Variants in PDXDC1 observed in about 807,000 individuals in gnomAD.
The protein encoded by PDXDC1 is pyridoxal-dependent decarboxylase domain-containing protein 1.
A neutral mutation model predicts 100.1 loss-of-function variants in PDXDC1; 42 were observed. The ratio of observed to expected loss-of-function variants is 0.42; its 90% CI spans 0.33 to 0.54. PDXDC1 has a LOEUF of 0.54. PDXDC1 is among the 20% of genes least tolerant of loss of function. The pLI, the probability that PDXDC1 is intolerant of heterozygous loss-of-function variation, is 0.10. For synonymous variants in PDXDC1, 260 were observed against 371.7 expected (o/e 0.70, Z 3.46); for missense variants, 636 against 979.2 (o/e 0.65, Z 4.68).
At chr16:15,150,021 A>G in the PDXDC1 span, among the ~76,000 whole-genome samples, 1 of 151,938 alleles carries the variant, frequency 6.6e-6, no homozygotes, top group African/African-American at 2.4e-5. Context: ...TGCACAAGGA[A>G]AAAGAGAGGA....
At chr16:15,133,300 G>A (rs1567314739) in intron 16 of PDXDC1, 6 of 1,573,456 alleles carry the variant, frequency 3.8e-6, no homozygotes, top group Non-Finnish European at 5.2e-6. Context: ...GCGAGTACTC[G>A]ATGACGTGCT....
At chr16:15,085,784 T>C in intron 16 of PDXDC1, 2 of 1,546,160 alleles carry the variant, frequency 1.3e-6, no homozygotes, top group African/African-American at 1.4e-5. Context: ...ACCTAGACAA[T>C]GAACAGCTAT....
At chr16:15,136,773 G>A in intron 16 of PDXDC1, 2 of 1,578,672 alleles carry the variant, frequency 1.3e-6, no homozygotes, top group Non-Finnish European at 8.7e-7. Context: ...GGGAATGAGG[G>A]TGTCAACGGT....
intron 1 of PDXDC1, among the ~76,000 whole-genome samples, chr16:14,978,847 C>G (rs1228540193): frequency 6.6e-6 from 1 of 152,296 alleles, no homozygotes; most frequent in East Asian, 1.9e-4. Flanking sequence ...AAAGCAGTTT[C>G]TCAGCGTCAG....
chr16:15,050,001 C>CA (rs2044234318), intron 16 of PDXDC1, among the ~76,000 whole-genome samples: 1 of 152,048 alleles, frequency 6.6e-6, no homozygotes. Flanking sequence ...ATGGCTGTGC[C>CA]AAAAAAGCAA....
chr16:14,997,369 G>A (rs1461395591), intron 1 of PDXDC1, among the ~76,000 whole-genome samples: 2 of 152,346 alleles, frequency 1.3e-5, no homozygotes, highest in African/African-American at 2.4e-5. Context: ...AAACCCCCCC[G>A]TCTCTACTAA....
chr16:15,125,449 T>A, intron 16 of PDXDC1: 1 of 879,038 alleles, frequency 1.1e-6, no homozygotes, highest in East Asian at 2.4e-5. Flanking sequence ...TGTGACCACA[T>A]GGAGCCACAG....
intron 16 of PDXDC1, chr16:15,133,110 C>T: frequency 3.2e-6 from 2 of 627,182 alleles, no homozygotes; most frequent in Non-Finnish European, 5.6e-6. Context: ...GGTGTGGCTG[C>T]TGGGAGCGGA....
At chr16:15,085,128 A>G (rs2045867197) in intron 16 of PDXDC1, among the ~76,000 whole-genome samples, 1 of 152,228 alleles carries the variant, frequency 6.6e-6, no homozygotes, top group African/African-American at 2.4e-5. Flanking sequence ...CCAAAACGGA[A>G]TAATTTATCA....
chr16:15,041,110 G>C, downstream of PDXDC1: 2 of 1,567,494 alleles, frequency 1.3e-6, no homozygotes, highest in Non-Finnish European at 1.8e-6. Context: ...TTTTCTTCCC[G>C]GTCATTTAAT....
intron 16 of PDXDC1, among the ~76,000 whole-genome samples, chr16:15,095,529 C>G (rs2046322733): frequency 6.6e-6 from 1 of 152,068 alleles, no homozygotes; most frequent in Non-Finnish European, 1.5e-5. Flanking sequence ...GAGACCCTGT[C>G]TCGAAATAAA....
chr16:15,094,009 G>A (rs563028089), intron 16 of PDXDC1: 1 of 753,512 alleles, frequency 1.3e-6, no homozygotes, highest in Non-Finnish European at 2.3e-6. Flanking sequence ...TCATTTCTGT[G>A]AACGTGAGAT....
At chr16:15,031,594 CT>C in intron 16 of PDXDC1, 140 bp from the exon 17 acceptor site, 9 of 646,138 alleles carry the variant, frequency 1.4e-5, no homozygotes, top group South Asian at 2.1e-5. Context: ...TGTTGAGGGC[CT>C]TTTTTTGTTT....
downstream of PDXDC1, among the ~76,000 whole-genome samples, chr16:15,140,368 C>A (rs1265387872): frequency 6.9e-6 from 1 of 144,540 alleles, no homozygotes; most frequent in Admixed American, 7.1e-5. Context: ...CACTTGAACC[C>A]GGGAGGCAGA....
intron 16 of PDXDC1, chr16:15,069,941 A>G (rs2258388): frequency 5.0e-6 from 7 of 1,392,346 alleles, no homozygotes; most frequent in East Asian, 2.3e-5. Flanking sequence ...ATTATTATTA[A>G]AAGTTTGAGT....
In PDXDC1 at chr16:14,991,242, A is replaced by G. The variant is rs186258362; in HGVS notation, c.22-6511A>G. On this transcript the variant is annotated intron_variant, in intron 1 of 22. Coordinates refer to ENST00000396410, the MANE Select transcript of PDXDC1 (RefSeq NM_015027.4). The stretch of plus-strand genomic sequence containing the variant: ...CTTCTAAACTATTTTGTGTGTATAT[A>G]TATGTATTATATATGTATATAGATA... Among the ~76,000 whole-genome samples the G allele has an allele frequency of 2.6e-3, 402 of 152,126 alleles. 5 individuals carry two copies. Among genetic ancestry groups the G allele is most frequent in the South Asian group, 7.3e-3 (35 of 4,804 alleles).
intron 16 of PDXDC1, among the ~76,000 whole-genome samples, chr16:15,109,791 G>C (rs2046963241): frequency 7.1e-6 from 1 of 141,134 alleles, no homozygotes; most frequent in South Asian, 2.4e-4. Context: ...AGAGGTTGCA[G>C]TGAGCCAAGA....
Position 15,130,434 on chromosome 16 carries a change from C to G in PDXDC1, c.1400-8445C>G, listed in dbSNP as rs539015031. On this transcript the variant is annotated intron_variant, in intron 16 of 16. Transcript: ENST00000535621. ...GTGGCTGGAGAGGTTCAGACGGTAACTCCCCACTGGGTCTCTGGTCCTGGG... is the reference window on the plus strand; with the variant it reads ...GTGGCTGGAGAGGTTCAGACGGTAAGTCCCCACTGGGTCTCTGGTCCTGGG... 270 of 1,496,432 alleles carry G rather than the reference C, an allele frequency of 1.8e-4. 1 individual carries two copies. Among genetic ancestry groups the G allele is most frequent in the Non-Finnish European group, 2.4e-4 (263 of 1,080,214 alleles). 92.7% of individuals were successfully genotyped at this position (1,496,432 alleles called of 1,614,324 possible). A position where few individuals can be genotyped will look rare whatever the true frequency, so the allele number is the denominator to read the frequency against.
intron 8 of PDXDC1, among the ~76,000 whole-genome samples, chr16:15,011,631 C>CTTTTTTTTTTTTTTTTTTTTTTTTTTTT: frequency 9.9e-5 from 13 of 131,266 alleles, no homozygotes; most frequent in Admixed American, 1.5e-4. Context: ...ACATTTTTTT[C>CTTTTTTTTTTTTTTTTTTTTTTTTTTTT]TTTTTTTTTT....
Sources: allele counts gnomAD v4.1 joint callset (sites outside exome capture counted in the v4.1 genomes callset), GRCh38; gene constraint gnomAD v4.1.1; transcripts MANE v1.5; gene names NCBI Gene and HGNC (gene_info 2026-07-23, HGNC 2026-07-21).